TANC1: variants seen among roughly 807,000 people sequenced by gnomAD.
TANC1 encodes the protein tetratricopeptide repeat, ankyrin repeat and coiled-coil containing 1, also known as protein TANC1.
A neutral mutation model predicts 149.7 loss-of-function variants in TANC1; 77 were observed. The ratio of observed to expected loss-of-function variants is 0.51; its 90% CI spans 0.43 to 0.62. TANC1 has a LOEUF of 0.62. Among genes scored for constraint, TANC1 ranks in the 20% least tolerant of loss-of-function variants. The pLI is 0.00. For synonymous variants in TANC1, 854 were observed against 925.0 expected (o/e 0.92, Z 1.39); for missense variants, 1,985 against 2,321.8 (o/e 0.85, Z 2.98).
chr2:159,089,665 A>G (rs1423685994), intron 3 of TANC1, among the ~76,000 whole-genome samples: 1 of 152,180 alleles, frequency 6.6e-6, no homozygotes, highest in Non-Finnish European at 1.5e-5. Context: ...CCAACCACCA[A>G]CAGCAGAGAT....
intron 19 of TANC1, among the ~76,000 whole-genome samples, chr2:159,205,644 G>A (rs113514838): frequency 8.0e-4 from 122 of 152,366 alleles, no homozygotes; most frequent in African/African-American, 2.8e-3. Flanking sequence ...TAGGCATGTA[G>A]TAGGCTACAC....
Position 159,231,009 on chromosome 2 carries a change from G to A in TANC1, c.5583G>A (p.Val1861=). ...AGCGATCATTTATAGAGTCAAATGTGTGAACCTTAAGAAATCCCCATTTGT... is the reference window on the plus strand; with the variant it reads ...AGCGATCATTTATAGAGTCAAATGTATGAACCTTAAGAAATCCCCATTTGT... ...KPKRSFIESN[V] Residue 1861 remains valine, a synonymous_variant, in exon 27 of 27, where the codon GTG becomes GTA. Transcript: ENST00000263635. 6.2e-7 allele frequency: 1 copy of A among 1,600,420 alleles called. No individual in the cohort carries two copies. Among genetic ancestry groups the A allele is most frequent in the Non-Finnish European group, 8.5e-7 (1 of 1,172,322 alleles).
At chr2:159,051,109 CG>C (rs1218768394) in intron 2 of TANC1, among the ~76,000 whole-genome samples, 2 of 152,146 alleles carry the variant, frequency 1.3e-5, no homozygotes, top group Non-Finnish European at 2.9e-5. Flanking sequence ...TTACATCCAC[CG>C]TCTCTAATTC....
rs559564910 is a variant in TANC1 at position 159,191,020 on chromosome 2, C to T, written c.2743-3237C>T. ...TGCCCATGAAACAGCAGTGTTAGGACTGGACACCCTTTCTGATCTCTCATC... is the reference window on the plus strand; with the variant it reads ...TGCCCATGAAACAGCAGTGTTAGGATTGGACACCCTTTCTGATCTCTCATC... On this transcript the variant is annotated intron_variant, in intron 16 of 26. Coordinates refer to ENST00000263635, the MANE Select transcript of TANC1 (RefSeq NM_033394.3). Among the ~76,000 whole-genome samples the T allele has an allele frequency of 7.9e-5, 12 of 152,330 alleles. No individual in the cohort carries two copies. The South Asian group carries it at 8.3e-4, about 11-fold the overall frequency.
chr2:159,003,904 A>G, intron 2 of TANC1: 1 of 1,612,852 alleles, frequency 6.2e-7, no homozygotes, highest in South Asian at 1.1e-5. Context: ...GCAAGGATAC[A>G]GCTCGCAGAA....
intron 4 of TANC1, among the ~76,000 whole-genome samples, chr2:159,122,766 CTTT>C (rs35478930): frequency 6.9e-6 from 1 of 144,350 alleles, no homozygotes. Flanking sequence ...CTTTTTTCTT[CTTT>C]TTTTTTTTTT....
rs62171129 is a variant in TANC1 at position 159,179,230 on chromosome 2, A to G, written c.2510+67A>G. 0.024 allele frequency: 37,035 copies of G among 1,539,136 alleles called. 562 individuals are homozygous for G. The highest frequency in any genetic ancestry group is 0.057 in the African/African-American group (4,116 of 72,568). ...GTGTGCAGTTGGGGAAAGGATTTAA[A>G]TGTGATGCACGTGTCTCAATGGAAG... On this transcript the variant is annotated intron_variant, in intron 14 of 26. Coordinates refer to ENST00000263635, the MANE Select transcript of TANC1 (RefSeq NM_033394.3).
intron 4 of TANC1, among the ~76,000 whole-genome samples, chr2:159,112,788 C>CT (rs1395014773): frequency 6.6e-6 from 1 of 151,984 alleles, no homozygotes; most frequent in Non-Finnish European, 1.5e-5. Context: ...TGCTGTGTTG[C>CT]CAGGCTGCTC....
chr2:159,209,819 G>A (rs1197197291), intron 19 of TANC1, among the ~76,000 whole-genome samples: 5 of 152,190 alleles, frequency 3.3e-5, no homozygotes, highest in African/African-American at 1.2e-4. Flanking sequence ...TGCCACTGAG[G>A]GTCAAGCATC....
At chr2:159,209,204 G>A (rs2058828107) in intron 19 of TANC1, among the ~76,000 whole-genome samples, 2 of 152,304 alleles carry the variant, frequency 1.3e-5, no homozygotes, top group South Asian at 4.1e-4. Flanking sequence ...AAGGCTTGGG[G>A]TGTTTGTCTC....
At chr2:158,983,185 A>G (rs2034567950) in intron 1 of TANC1, among the ~76,000 whole-genome samples, 1 of 152,148 alleles carries the variant, frequency 6.6e-6, no homozygotes. Flanking sequence ...GTGGTGTTTT[A>G]GCCAGGCACG....
At position 159,194,486 on chromosome 2, in the gene TANC1, G is replaced by A; in HGVS notation, c.2972G>A (p.Gly991Glu). ...MKLVCLLTKK[G>E]VRVDHLDKKG... ...CTGGTGTGTCTGCTGACCAAGAAGGGAGTGAGAGTAAGCGGCAGCCTGCTC... is the reference window on the plus strand; with the variant it reads ...CTGGTGTGTCTGCTGACCAAGAAGGAAGTGAGAGTAAGCGGCAGCCTGCTC... Residue 991 changes from glycine (G) to glutamate (E), a missense_variant, in exon 17 of 27, where the codon GGA (glycine) becomes GAA (glutamate). Coordinates refer to ENST00000263635, the MANE Select transcript of TANC1 (RefSeq NM_033394.3). 2 of 1,613,934 alleles carry A rather than the reference G, an allele frequency of 1.2e-6. No individual in the cohort carries two copies. Among genetic ancestry groups the A allele is most frequent in the South Asian group, 1.1e-5 (1 of 91,062 alleles).
At chr2:159,116,709 C>T (rs1180279545) in intron 4 of TANC1, among the ~76,000 whole-genome samples, 3 of 152,120 alleles carry the variant, frequency 2.0e-5, no homozygotes, top group African/African-American at 7.2e-5. Flanking sequence ...TCCAATTTGG[C>T]CCCTGGGCTG....
chr2:159,227,641 C>A, intron 24 of TANC1, 178 bp from the exon 25 acceptor site: 2 of 636,480 alleles, frequency 3.1e-6, no homozygotes, highest in Non-Finnish European at 2.7e-6. Context: ...ACAGTGAAGC[C>A]CTCATGTGCC....
chr2:159,219,977 A>AGAGAGTGTGTGTGTGT lies in TANC1; in HGVS notation c.3678+111_3678+112insAGAGTGTGTGTGTGTG, dbSNP rs1553616294. ...AGGTTGTGTCTCAGTGTCATCAGAGAGTGTGTGTGTGTGTGTGTGTGTGTG... is the reference window on the plus strand; with the variant it reads ...AGGTTGTGTCTCAGTGTCATCAGAGAGAGAGTGTGTGTGTGTGTGTGTGTGTGTGTGTGTGTGTGTG... On this transcript the variant is annotated intron_variant, in intron 22 of 26. Coordinates refer to ENST00000263635, the MANE Select transcript of TANC1 (RefSeq NM_033394.3). 25 of 560,696 alleles carry AGAGAGTGTGTGTGTGT rather than the reference A, an allele frequency of 4.5e-5. No homozygotes were observed. In the African/African-American group the frequency reaches 4.5e-4, roughly 10 times the overall value. 34.7% of individuals were successfully genotyped at this position (560,696 alleles called of 1,614,324 possible).
chr2:158,998,165 G>C (rs1559115123), intron 1 of TANC1, among the ~76,000 whole-genome samples: 1 of 151,968 alleles, frequency 6.6e-6, no homozygotes, highest in Non-Finnish European at 1.5e-5. Context: ...TTGGGAGGCT[G>C]AGGTGGGCAC....
At chr2:158,999,176 A>C (rs2036406790) in intron 1 of TANC1, among the ~76,000 whole-genome samples, 1 of 152,190 alleles carries the variant, frequency 6.6e-6, no homozygotes, top group Non-Finnish European at 1.5e-5. Flanking sequence ...AGGAGGTCAG[A>C]GTGATGTAAT....
At chr2:159,042,252 A>C (rs1574295876) in intron 2 of TANC1, among the ~76,000 whole-genome samples, 1 of 152,142 alleles carries the variant, frequency 6.6e-6, no homozygotes, top group African/African-American at 2.4e-5. Flanking sequence ...TGCCCTGCCA[A>C]GGTGGTTTTT....
chr2:159,081,043 C>T (rs2044222133), intron 3 of TANC1, among the ~76,000 whole-genome samples: 1 of 152,228 alleles, frequency 6.6e-6, no homozygotes, highest in Non-Finnish European at 1.5e-5. Context: ...CCACCACATC[C>T]TCCTCTCAGG....
Sources: allele counts gnomAD v4.1 joint callset (sites outside exome capture counted in the v4.1 genomes callset), GRCh38; gene constraint gnomAD v4.1.1; transcripts MANE v1.5; gene names NCBI Gene and HGNC (gene_info 2026-07-23, HGNC 2026-07-21).